The following SEMA7A variants were observed in gnomAD, a reference collection of about 807,000 sequenced individuals.
The protein encoded by SEMA7A is semaphorin 7A (JohnMiltonHagen blood group), also known as semaphorin-7A.
A neutral mutation model predicts 67.5 loss-of-function variants in SEMA7A; 21 were observed. The observed-to-expected ratio is 0.31, with a 90% confidence interval of 0.22 to 0.45. The LOEUF (loss-of-function observed/expected upper bound fraction) is 0.45. Among genes scored for constraint, SEMA7A ranks in the 20% least tolerant of loss-of-function variants. The pLI is 1.00. For missense variants in SEMA7A, 774 were observed against 908.6 expected, an observed-to-expected ratio of 0.85 and a Z score of 1.90; for synonymous variants, 364 against 368.5, an observed-to-expected ratio of 0.99 and a Z score of 0.14.
chr15:74,428,945 T>A (rs1370485), intron 1 of SEMA7A, among the ~76,000 whole-genome samples: 1 of 152,114 alleles, frequency 6.6e-6, no homozygotes, highest in African/African-American at 2.4e-5. Context: ...GCCGTGGCCC[T>A]CCATCCCCCT....
chr15:74,415,729 G>T, intron 8 of SEMA7A, 72 bp downstream of exon 8: 1 of 1,446,170 alleles, frequency 6.9e-7, no homozygotes, highest in Non-Finnish European at 9.3e-7. Context: ...CCCTCAGCAG[G>T]GCCCAAGGCC....
In SEMA7A at chr15:74,410,584, G is replaced by T; in HGVS notation, c.*40C>A. ...TGAGTGTGAGACGTTCTAGTGCCCT[G>T]GGCTGCAGAAGCCTGAGGCATGCCC... On this transcript the variant is annotated 3_prime_UTR_variant, in exon 14 of 14. Coordinates refer to ENST00000261918, the MANE Select transcript of SEMA7A (RefSeq NM_003612.5). The surrounding 1 kb of genome is among the most constrained non-coding windows in gnomAD (Gnocchi z 7.5). 3.2e-6 allele frequency: 5 copies of T among 1,543,158 alleles called. No homozygotes were observed. The highest frequency in any genetic ancestry group is 2.6e-6 in the Non-Finnish European group (3 of 1,143,960).
chr15:74,411,547 C>T lies in SEMA7A; in HGVS notation c.1577+9G>A. ...TTCTCCCAGGGACGAGGGATCCCGG[C>T]CAACGTACCGTTCGGAGCTGTAGAT... On this transcript the variant is annotated intron_variant, in intron 12 of 13. Coordinates refer to ENST00000261918, the MANE Select transcript of SEMA7A (RefSeq NM_003612.5). This position sits in a 1 kb window ranked among gnomAD's most constrained non-coding sequence, Gnocchi z 4.4. The T allele has an allele frequency of 6.5e-7, 1 of 1,550,162 alleles. No individual in the cohort carries two copies. Among genetic ancestry groups the T allele is most frequent in the Non-Finnish European group, 8.7e-7 (1 of 1,146,382 alleles).
At chr15:74,419,592 A>C (rs2141280924) in intron 1 of SEMA7A, among the ~76,000 whole-genome samples, 1 of 152,336 alleles carries the variant, frequency 6.6e-6, no homozygotes, top group African/African-American at 2.4e-5. Flanking sequence ...CACAGATGGG[A>C]AAACAGAGGC....
At chr15:74,420,922 C>G (rs2060995137) in intron 1 of SEMA7A, among the ~76,000 whole-genome samples, 1 of 152,228 alleles carries the variant, frequency 6.6e-6, no homozygotes, top group Non-Finnish European at 1.5e-5. Context: ...GGAGTCAAAG[C>G]AGAAAAGTTC....
chr15:74,433,651 C>T, intron 1 of SEMA7A, 90 bp downstream of exon 1: 6 of 1,311,216 alleles, frequency 4.6e-6, no homozygotes, highest in Non-Finnish European at 5.8e-6. Flanking sequence ...CAGAGCTGCG[C>T]GCACGCACTC....
rs1430921377 is a variant in SEMA7A, at chr15:74,415,868, A to C, written c.919T>G (p.Phe307Val). The C allele has an allele frequency of 6.2e-7, 1 of 1,613,976 alleles. No individual in the cohort carries two copies. Among genetic ancestry groups the C allele is most frequent in the Non-Finnish European group, 8.5e-7 (1 of 1,179,974 alleles). ...NKNFNRLQDV[F>V]LLPDPSGQWR... ...TGGCCGCTGGGGTCAGGGAGCAGGAAGACGTCTTGCAGCCTGTTGAAGTTC... is the reference window on the plus strand; with the variant it reads ...TGGCCGCTGGGGTCAGGGAGCAGGACGACGTCTTGCAGCCTGTTGAAGTTC... Residue 307 changes from phenylalanine to valine, a missense_variant, in exon 8 of 14, where the codon TTC becomes GTC. This residue lies in a region of SEMA7A where 427 missense variants were observed against 555.4 expected (regional missense o/e 0.77). Coordinates refer to ENST00000261918, the MANE Select transcript of SEMA7A (RefSeq NM_003612.5).
intron 7 of SEMA7A, 130 bp downstream of exon 7, chr15:74,416,445 A>G (rs917446917): frequency 1.0e-6 from 1 of 970,622 alleles, no homozygotes. Flanking sequence ...AGCTGCTCCC[A>G]CAGTCCCTGA....
Position 74,411,469 on chromosome 15 carries a change from A to C in SEMA7A, c.1577+87T>G. ...GAGGAGGGTCCCACAAGAAAGGCCC[A>C]GTACCGCCACCTCCTCCAGCCCGAC... On this transcript the variant is annotated intron_variant, in intron 12 of 13. Coordinates refer to ENST00000261918, the MANE Select transcript of SEMA7A (RefSeq NM_003612.5). This position sits in a 1 kb window ranked among gnomAD's most constrained non-coding sequence, Gnocchi z 4.4. The C allele has an allele frequency of 6.5e-7, 1 of 1,544,886 alleles. No individual in the cohort carries two copies. The highest frequency in any genetic ancestry group is 1.9e-5 in the Admixed American group (1 of 52,264).
chr15:74,415,719 C>A, intron 8 of SEMA7A, 82 bp downstream of exon 8: 2 of 1,379,568 alleles, frequency 1.4e-6, no homozygotes, highest in Non-Finnish European at 2.0e-6. Flanking sequence ...ACCAGGGAGG[C>A]CCTCAGCAGG....
At chr15:74,429,533 T>C (rs1315376108) in intron 1 of SEMA7A, among the ~76,000 whole-genome samples, 1 of 152,186 alleles carries the variant, frequency 6.6e-6, no homozygotes, top group African/African-American at 2.4e-5. Context: ...CAGGAGTCAA[T>C]GGGGAAAGCC....
chr15:74,414,661 T>C lies in SEMA7A; in HGVS notation c.1180A>G (p.Met394Val). The C allele has an allele frequency of 1.9e-6, 3 of 1,614,122 alleles. No homozygotes were observed. Among genetic ancestry groups the C allele is most frequent in the South Asian group, 1.1e-5 (1 of 91,080 alleles). ...AACAATGGCGTCTTCAGAGGCCCCA[T>C]GGGCTCCACCCTCTGCGCCACCTCT... ...HPEVAQRVEP[M>V]GPLKTPLFHS... The change falls in exon 10 of 14, where the codon ATG becomes GTG. Residue 394 changes from methionine (M) to valine (V), a missense_variant. This residue lies in a region of SEMA7A where 427 missense variants were observed against 555.4 expected (regional missense o/e 0.77). Transcript: ENST00000261918. This position sits in a 1 kb window ranked among gnomAD's most constrained non-coding sequence, Gnocchi z 4.1.
chr15:74,432,154 G>GTTTGATGGA (rs2061094153), intron 1 of SEMA7A, among the ~76,000 whole-genome samples: 1 of 152,022 alleles, frequency 6.6e-6, no homozygotes, highest in Non-Finnish European at 1.5e-5. Flanking sequence ...AAATGCAAGG[G>GTTTGATGGA]GTTTGATGGA....
Position 74,411,289 on chromosome 15 carries a change from A to G in SEMA7A, c.1639+6T>C, listed in dbSNP as rs922182441. The G allele has an allele frequency of 3.3e-5, 54 of 1,613,320 alleles. No homozygotes were observed. The highest frequency in any genetic ancestry group is 4.3e-5 in the Non-Finnish European group (51 of 1,179,500). On this transcript the variant is annotated splice_donor_region_variant and intron_variant, in intron 13 of 13. Transcript: ENST00000261918. The surrounding 1 kb of genome is among the most constrained non-coding windows in gnomAD (Gnocchi z 4.4). ...CCACAGCCGCCAGCAGGGCCAGATCAGGTACCTGGTTTGGGGTTGGGACAC... is the reference window on the plus strand; with the variant it reads ...CCACAGCCGCCAGCAGGGCCAGATCGGGTACCTGGTTTGGGGTTGGGACAC...
intron 1 of SEMA7A, among the ~76,000 whole-genome samples, chr15:74,424,187 C>A (rs1397839109): frequency 6.6e-6 from 1 of 152,138 alleles, no homozygotes. Context: ...GGTGGCTGGA[C>A]AGCTGGCTGG....
At chr15:74,412,062 C>T (rs1324907418) in intron 10 of SEMA7A, 50 bp from the exon 11 acceptor site, 1 of 1,609,244 alleles carries the variant, frequency 6.2e-7, no homozygotes, top group Non-Finnish European at 8.5e-7. Flanking sequence ...ACTGAGGGGC[C>T]AGGCAGCTTT....
In SEMA7A at chr15:74,414,341, C is replaced by T. The variant is rs561163960; in HGVS notation, c.1294+206G>A. 1.2e-4 allele frequency among the ~76,000 whole-genome samples: 18 copies of T among 152,292 alleles called. No homozygotes were observed. The highest frequency in any genetic ancestry group is 3.9e-4 in the African/African-American group (16 of 41,554). On this transcript the variant is annotated intron_variant, in intron 10 of 13. Transcript: ENST00000261918. The surrounding 1 kb of genome is among the most constrained non-coding windows in gnomAD (Gnocchi z 4.1). ...TCCCAGTGCTTGCTTTTCTCCCATC[C>T]CCCTTTCCCTCTTGCCCCTACCTCC...
chr15:74,426,190 G>T (rs375800270), intron 1 of SEMA7A, among the ~76,000 whole-genome samples: 1 of 152,240 alleles, frequency 6.6e-6, no homozygotes, highest in East Asian at 1.9e-4. Context: ...CAGAAGAATC[G>T]CTTGAACCCA....
rs993884108 is a variant in SEMA7A at position 74,411,491 on chromosome 15, C to T, written c.1577+65G>A. 10 of 1,543,394 alleles carry T rather than the reference C, an allele frequency of 6.5e-6. 1 individual carries two copies. Among genetic ancestry groups the T allele is most frequent in the South Asian group, 2.5e-5 (2 of 79,256 alleles). On this transcript the variant is annotated intron_variant, in intron 12 of 13. Coordinates refer to ENST00000261918, the MANE Select transcript of SEMA7A (RefSeq NM_003612.5). The surrounding 1 kb of genome is among the most constrained non-coding windows in gnomAD (Gnocchi z 4.4). ...CCCAGTACCGCCACCTCCTCCAGCC[C>T]GACAACACCTCCCCCTCTCCCATGC...
Sources: gnomAD v4.1 joint callset for allele counts (sites outside exome capture counted in the v4.1 genomes callset) on GRCh38, gnomAD v4.1.1 for gene constraint, gnomAD v4.1.1 regional missense constraint, Gnocchi (gnomAD v3.1) non-coding constraint, MANE v1.5 for transcripts, NCBI Gene and HGNC (gene_info 2026-07-23, HGNC 2026-07-21) for gene names.